Variants in SDK1 observed in about 807,000 individuals in gnomAD.
SDK1 encodes the protein sidekick cell adhesion molecule 1, also known as protein sidekick-1.
A neutral mutation model predicts 245.5 loss-of-function variants in SDK1; 157 were observed. That is an observed-to-expected ratio of 0.64 (90% CI 0.56 to 0.73). SDK1 has a LOEUF of 0.73. SDK1 is among the 30% of genes least tolerant of loss of function. The probability of loss-of-function intolerance (pLI) is 0.00; values close to 1 mark genes in which losing one functional copy is unlikely to be tolerated. For missense variants in SDK1, 3,583 were observed against 3,002.3 expected (o/e 1.19, Z -4.52); for synonymous variants, 1,647 against 1,278.5 (o/e 1.29, Z -6.15).
At chr7:3,813,643 G>A (rs1300345534) in intron 4 of SDK1, among the ~76,000 whole-genome samples, 1 of 145,624 alleles carries the variant, frequency 6.9e-6, no homozygotes, top group Non-Finnish European at 1.5e-5. Flanking sequence ...GGGATGGCTG[G>A]GTCAAATGGT....
At chr7:4,009,624 G>T (rs910178802) in intron 14 of SDK1, among the ~76,000 whole-genome samples, 1 of 152,254 alleles carries the variant, frequency 6.6e-6, no homozygotes, top group Admixed American at 6.5e-5. Context: ...GGCGAAGACT[G>T]CGTTCCCAGA....
intron 44 of SDK1, among the ~76,000 whole-genome samples, chr7:4,257,164 C>G (rs1787687567): frequency 6.6e-6 from 1 of 152,198 alleles, no homozygotes; most frequent in Non-Finnish European, 1.5e-5. Flanking sequence ...CAGCTTAGAC[C>G]AACCCCATCG....
intron 35 of SDK1, among the ~76,000 whole-genome samples, chr7:4,193,231 TG>T (rs1435288667): frequency 7.5e-6 from 1 of 132,718 alleles, no homozygotes; most frequent in Non-Finnish European, 1.6e-5. Context: ...GTATATTAAT[TG>T]TATAAATATA....
rs111295848 is a variant in SDK1 at position 4,077,025 on chromosome 7, G to A, written c.3038G>A (p.Gly1013Asp). 1 of 1,614,104 alleles carries A rather than the reference G, an allele frequency of 6.2e-7. No individual in the cohort carries two copies. The highest frequency in any genetic ancestry group is 1.7e-5 in the Admixed American group (1 of 60,026). ...TATCAGATCTCTTGGGAAGTGTACG[G>A]CAGGAACGACTCTCGTCTCACGCAC... ...TGYQISWEVY[G>D]RNDSRLTHTL... The change falls in exon 21 of 45, where the codon GGC becomes GAC. Residue 1013 changes from glycine to aspartate, a missense_variant. Transcript: ENST00000404826.
At chr7:3,746,692 T>C (rs960811167) in intron 4 of SDK1, among the ~76,000 whole-genome samples, 1 of 152,238 alleles carries the variant, frequency 6.6e-6, no homozygotes, top group African/African-American at 2.4e-5. Context: ...CAGTTTATTA[T>C]GAGATTGTAG....
intron 4 of SDK1, among the ~76,000 whole-genome samples, chr7:3,787,934 T>A (rs1780956983): frequency 6.6e-6 from 1 of 152,212 alleles, no homozygotes; most frequent in South Asian, 2.1e-4. Flanking sequence ...GAAGCCACTC[T>A]CAGAAGTCTG....
At chr7:3,602,481 G>T (rs1247114696) in intron 1 of SDK1, among the ~76,000 whole-genome samples, 2 of 152,164 alleles carry the variant, frequency 1.3e-5, no homozygotes, top group Non-Finnish European at 2.9e-5. Context: ...CTTCTTTTGA[G>T]ACGTGTCTGT....
intron 29 of SDK1, 96 bp from the exon 30 acceptor site, chr7:4,149,166 A>C: frequency 1.0e-6 from 1 of 989,688 alleles, no homozygotes; most frequent in Non-Finnish European, 1.4e-6. Context: ...CTCATGGGCA[A>C]GCAGTCAGCC....
At chr7:3,673,196 C>T (rs1783775823) in intron 4 of SDK1, among the ~76,000 whole-genome samples, 1 of 152,118 alleles carries the variant, frequency 6.6e-6, no homozygotes, top group South Asian at 2.1e-4. Context: ...TACTCTCATC[C>T]TACAGACAGG....
At chr7:4,157,757 G>A (rs924114167) in intron 30 of SDK1, among the ~76,000 whole-genome samples, 1 of 152,154 alleles carries the variant, frequency 6.6e-6, no homozygotes, top group Non-Finnish European at 1.5e-5. Context: ...TGGGAATAAT[G>A]ATGCCTCCTC....
intron 32 of SDK1, among the ~76,000 whole-genome samples, chr7:4,173,910 C>T (rs557101969): frequency 2.0e-5 from 3 of 152,310 alleles, no homozygotes; most frequent in South Asian, 4.1e-4. Context: ...GCCTCCTCGC[C>T]GTCTGTGTCT....
chr7:3,857,230 A>C (rs1003346441), intron 5 of SDK1, among the ~76,000 whole-genome samples: 1 of 152,198 alleles, frequency 6.6e-6, no homozygotes, highest in Admixed American at 6.5e-5. Flanking sequence ...AAAGATGTCT[A>C]CTATTAACAT....
intron 5 of SDK1, among the ~76,000 whole-genome samples, chr7:3,838,589 C>T (rs527399009): frequency 2.6e-5 from 4 of 152,314 alleles, no homozygotes; most frequent in Non-Finnish European, 5.9e-5. Flanking sequence ...GCAAACAGAA[C>T]TGTCTATGAC....
chr7:3,378,597 C>G (rs958654423), intron 1 of SDK1, among the ~76,000 whole-genome samples: 1 of 152,036 alleles, frequency 6.6e-6, no homozygotes, highest in Non-Finnish European at 1.5e-5. Flanking sequence ...TCTCTGCTGT[C>G]TCTTCTGTTT....
intron 4 of SDK1, among the ~76,000 whole-genome samples, chr7:3,787,184 A>ACACT (rs1402959448): frequency 6.6e-6 from 1 of 151,104 alleles, no homozygotes; most frequent in Non-Finnish European, 1.5e-5. Flanking sequence ...ACACACACAC[A>ACACT]CACTCCCATA....
intron 4 of SDK1, among the ~76,000 whole-genome samples, chr7:3,677,053 T>G (rs978860278): frequency 6.6e-6 from 1 of 152,222 alleles, no homozygotes; most frequent in African/African-American, 2.4e-5. Flanking sequence ...GTTTGTTTCT[T>G]ATGACTTCTT....
intron 4 of SDK1, among the ~76,000 whole-genome samples, chr7:3,683,852 G>T (rs749173721): frequency 6.6e-6 from 1 of 152,306 alleles, no homozygotes; most frequent in African/African-American, 2.4e-5. Context: ...AATGCTCCAA[G>T]AACAGTCCTG....
At chr7:3,823,547 A>G (rs1779698404) in intron 5 of SDK1, among the ~76,000 whole-genome samples, 1 of 152,228 alleles carries the variant, frequency 6.6e-6, no homozygotes, top group Admixed American at 6.5e-5. Context: ...TACTAGCGTA[A>G]TACCATGGTG....
intron 1 of SDK1, among the ~76,000 whole-genome samples, chr7:3,392,110 C>G (rs1423963909): frequency 6.6e-6 from 1 of 151,872 alleles, no homozygotes; most frequent in East Asian, 1.9e-4. Context: ...CCCATCATGT[C>G]CACATTAATC....
Sources: gnomAD v4.1 joint callset for allele counts (sites outside exome capture counted in the v4.1 genomes callset) on GRCh38, gnomAD v4.1.1 for gene constraint, MANE v1.5 for transcripts, NCBI Gene and HGNC (gene_info 2026-07-23, HGNC 2026-07-21) for gene names.